GRM5: variants seen among roughly 807,000 people sequenced by gnomAD.
GRM5 encodes the protein metabotropic glutamate receptor 5.
In GRM5, 19 loss-of-function variants were observed where a neutral mutation model predicts 83.1. That is an observed-to-expected ratio of 0.23 (90% CI 0.16 to 0.34). The LOEUF (loss-of-function observed/expected upper bound fraction) is 0.34, where lower values mean the gene tolerates loss of function less well. Ranked by LOEUF, GRM5 falls within the 10% of genes least tolerant of loss-of-function variation. The probability of loss-of-function intolerance (pLI) is 1.00; values close to 1 mark genes in which losing one functional copy is unlikely to be tolerated. For missense variants in GRM5, 1,160 were observed against 1,588.3 expected, an observed-to-expected ratio of 0.73 and a Z score of 4.58; for synonymous variants, 675 against 633.6, an observed-to-expected ratio of 1.07 and a Z score of -0.98.
chr11:88,710,312 G>A (rs780119584), intron 3 of GRM5, among the ~76,000 whole-genome samples: 20 of 152,172 alleles, frequency 1.3e-4, no homozygotes, highest in Middle Eastern at 3.4e-3. Flanking sequence ...CACCACATCC[G>A]TTAAATATTT....
intron 4 of GRM5, among the ~76,000 whole-genome samples, chr11:88,646,770 AAAG>A (rs1324351381): frequency 2.6e-5 from 4 of 152,006 alleles, no homozygotes; most frequent in Admixed American, 1.3e-4. Context: ...GAAGAGCAGC[AAAG>A]AAGGAGGGTG....
At chr11:89,011,456 T>C (rs1300205868) in intron 2 of GRM5, among the ~76,000 whole-genome samples, 1 of 152,184 alleles carries the variant, frequency 6.6e-6, no homozygotes, top group African/African-American at 2.4e-5. Flanking sequence ...TGGTGTCTAG[T>C]TGAAAATGTC....
At chr11:88,989,501 C>T (rs1172467759) in intron 2 of GRM5, among the ~76,000 whole-genome samples, 1 of 127,696 alleles carries the variant, frequency 7.8e-6, no homozygotes, top group African/African-American at 2.9e-5. Flanking sequence ...CAGCTCTGCA[C>T]CAAGCGGACC....
intron 3 of GRM5, among the ~76,000 whole-genome samples, chr11:88,728,096 T>G (rs1040485583): frequency 1.1e-4 from 16 of 152,168 alleles, no homozygotes; most frequent in Middle Eastern, 3.4e-3. Context: ...GGAGCTGGTT[T>G]TTTGAAAAGA....
chr11:88,543,600 A>C (rs1942320792), intron 8 of GRM5, among the ~76,000 whole-genome samples: 1 of 146,964 alleles, frequency 6.8e-6, no homozygotes, highest in Non-Finnish European at 1.5e-5. Context: ...GAAAAAAAAA[A>C]CCCACAACCA....
At chr11:89,005,816 T>C (rs1339563616) in intron 2 of GRM5, among the ~76,000 whole-genome samples, 1 of 152,184 alleles carries the variant, frequency 6.6e-6, no homozygotes, top group East Asian at 1.9e-4. Context: ...ATCACAAGCA[T>C]TCATTTAATT....
chr11:88,902,399 TC>T (rs1386277607), intron 2 of GRM5, among the ~76,000 whole-genome samples: 6 of 152,260 alleles, frequency 3.9e-5, no homozygotes, highest in Non-Finnish European at 7.4e-5. Flanking sequence ...GATTAAGTGG[TC>T]CATGTAAAGC....
intron 3 of GRM5, among the ~76,000 whole-genome samples, chr11:88,701,142 A>T (rs1329378561): frequency 6.6e-6 from 1 of 152,108 alleles, no homozygotes; most frequent in Non-Finnish European, 1.5e-5. Flanking sequence ...TTTAGCTGCC[A>T]CTCAGCCACT....
At chr11:88,570,821 C>T (rs1942983688) in intron 7 of GRM5, among the ~76,000 whole-genome samples, 1 of 151,428 alleles carries the variant, frequency 6.6e-6, no homozygotes. Flanking sequence ...CCTTCCTCGG[C>T]CTCTCAAAGT....
intron 3 of GRM5, among the ~76,000 whole-genome samples, chr11:88,790,092 G>A (rs180677035): frequency 7.6e-4 from 116 of 152,208 alleles, no homozygotes; most frequent in African/African-American, 2.6e-3. Flanking sequence ...TTCAATTCCT[G>A]ACTTCAGATG....
At chr11:88,862,758 G>T (rs1459085382) in intron 2 of GRM5, among the ~76,000 whole-genome samples, 2 of 151,982 alleles carry the variant, frequency 1.3e-5, no homozygotes, top group Non-Finnish European at 2.9e-5. Flanking sequence ...TCATCACCTA[G>T]GTATTAAGCC....
chr11:88,632,415 G>A (rs1484141947), intron 4 of GRM5, among the ~76,000 whole-genome samples: 5 of 151,766 alleles, frequency 3.3e-5, no homozygotes, highest in Non-Finnish European at 7.4e-5. Context: ...CTATTTTTTT[G>A]TAGAGTCGGG....
chr11:89,058,806 G>T (rs374119478), intron 1 of GRM5, among the ~76,000 whole-genome samples: 2 of 152,050 alleles, frequency 1.3e-5, no homozygotes, highest in African/African-American at 4.8e-5. Flanking sequence ...TATACTTCCC[G>T]AATTCAAAGG....
chr11:88,950,365 T>TGTGC (rs1220527891), intron 2 of GRM5, among the ~76,000 whole-genome samples: 2 of 151,704 alleles, frequency 1.3e-5, no homozygotes, highest in African/African-American at 4.8e-5. Context: ...TGTGTGTGTG[T>TGTGC]GTGTGTGTGT....
intron 4 of GRM5, among the ~76,000 whole-genome samples, chr11:88,609,688 G>C (rs540071810): frequency 2.7e-4 from 41 of 152,232 alleles, no homozygotes; most frequent in African/African-American, 9.6e-4. Flanking sequence ...TAGGTTGTCT[G>C]TTTACTCTGC....
At chr11:89,006,807 T>G (rs1354191471) in intron 2 of GRM5, among the ~76,000 whole-genome samples, 1 of 152,214 alleles carries the variant, frequency 6.6e-6, no homozygotes, top group Admixed American at 6.5e-5. Context: ...TGCTTTGTTT[T>G]GTTTTGTTTT....
chr11:88,864,656 T>A (rs1944628845), intron 2 of GRM5, among the ~76,000 whole-genome samples: 1 of 152,084 alleles, frequency 6.6e-6, no homozygotes, highest in Non-Finnish European at 1.5e-5. Context: ...GTGAATGCCC[T>A]TTCTTTCTTT....
intron 3 of GRM5, among the ~76,000 whole-genome samples, chr11:88,658,293 T>C (rs944026642): frequency 6.6e-6 from 1 of 152,170 alleles, no homozygotes; most frequent in Non-Finnish European, 1.5e-5. Flanking sequence ...AGGGGAATCA[T>C]ACAATGGTTC....
At chr11:88,900,267 C>A (rs1293260886) in intron 2 of GRM5, among the ~76,000 whole-genome samples, 2 of 152,124 alleles carry the variant, frequency 1.3e-5, no homozygotes, top group African/African-American at 4.8e-5. Flanking sequence ...AAGAAAAAAT[C>A]TCTGCTTTCT....
Sources: allele counts gnomAD v4.1 joint callset (sites outside exome capture counted in the v4.1 genomes callset), GRCh38; gene constraint gnomAD v4.1.1; transcripts MANE v1.5; gene names NCBI Gene and HGNC (gene_info 2026-07-23, HGNC 2026-07-21).